Variants in VWA5B1 observed in about 807,000 individuals in gnomAD.
VWA5B1 encodes the protein von Willebrand factor A domain containing 5B1, also known as von Willebrand factor A domain-containing protein 5B1.
Under a neutral mutation model 118.2 loss-of-function variants are expected in VWA5B1, and 115 were observed. The ratio of observed to expected loss-of-function variants is 0.97; its 90% CI spans 0.84 to 1.14. The LOEUF is 1.14. Ranked by LOEUF, VWA5B1 falls within the 50% of genes most tolerant of loss-of-function variation. The probability of loss-of-function intolerance (pLI) is 0.00; values close to 1 mark genes in which losing one functional copy is unlikely to be tolerated. For synonymous variants in VWA5B1, 682 were observed against 658.4 expected, an observed-to-expected ratio of 1.04 and a Z score of -0.55; for missense variants, 1,596 against 1,603.8, an observed-to-expected ratio of 1.00 and a Z score of 0.08.
chr1:20,322,613 A>G (rs2089254760), intron 7 of VWA5B1, among the ~76,000 whole-genome samples: 1 of 152,176 alleles, frequency 6.6e-6, no homozygotes, highest in Non-Finnish European at 1.5e-5. Flanking sequence ...GGAGGCAGAG[A>G]TCGGAGCAAA....
intron 9 of VWA5B1, among the ~76,000 whole-genome samples, chr1:20,328,257 A>G (rs1019997546): frequency 3.9e-5 from 6 of 152,138 alleles, no homozygotes; most frequent in African/African-American, 1.4e-4. Flanking sequence ...GTGTGTGTGT[A>G]CAGAAATGAG....
chr1:20,346,980 A>G lies in VWA5B1; in HGVS notation c.2765-1265A>G, dbSNP rs1268684740. 5.9e-5 allele frequency among the ~76,000 whole-genome samples: 9 copies of G among 152,142 alleles called. 1 individual carries two copies. The highest frequency in any genetic ancestry group is 2.2e-4 in the African/African-American group (9 of 41,434). ...CAGGCTGTTCGCTTATTCATGTTGCAGGGATGAGCGTCCCTCCCACCTGTC... is the reference window on the plus strand; with the variant it reads ...CAGGCTGTTCGCTTATTCATGTTGCGGGGATGAGCGTCCCTCCCACCTGTC... On this transcript the variant is annotated intron_variant, in intron 17 of 21. Transcript: ENST00000289815.
intron 9 of VWA5B1, 129 bp from the exon 10 acceptor site, chr1:20,330,051 T>A: frequency 9.6e-7 from 1 of 1,038,596 alleles, no homozygotes; most frequent in Non-Finnish European, 1.4e-6. Flanking sequence ...TGGGCAGGGA[T>A]GAAATTGGGA....
At position 20,352,131 on chromosome 1, in the gene VWA5B1, G is replaced by C. The variant is rs1234356323; in HGVS notation, c.3100G>C (p.Glu1034Gln). 4.5e-6 allele frequency: 7 copies of C among 1,551,332 alleles called. No individual in the cohort carries two copies. Among genetic ancestry groups the C allele is most frequent in the Admixed American group, 2.0e-5 (1 of 50,986 alleles). Residue 1034 changes from glutamate to glutamine, a missense_variant, in exon 21 of 22, where the codon GAG becomes CAG. Glu to Gln is a conservative substitution (Grantham distance 29, BLOSUM62 2). Coordinates refer to ENST00000289815, the MANE Select transcript of VWA5B1 (RefSeq NM_001039500.3). ...GAGCAAGCCACTGATCAAAGCTGTGGAGTCGACCTCCGGGAACCAGAGCTT... is the reference window on the plus strand; with the variant it reads ...GAGCAAGCCACTGATCAAAGCTGTGCAGTCGACCTCCGGGAACCAGAGCTT... The part of the protein sequence containing the change: ...FLSKPLIKAV[E>Q]STSGNQSFDY...
At chr1:20,332,343 G>A (rs2089582475) in intron 11 of VWA5B1, among the ~76,000 whole-genome samples, 1 of 151,942 alleles carries the variant, frequency 6.6e-6, no homozygotes, top group Non-Finnish European at 1.5e-5. Context: ...AGCTGGGCAT[G>A]ATGGCGGGTG....
intron 2 of VWA5B1, among the ~76,000 whole-genome samples, chr1:20,312,436 G>A (rs1018788832): frequency 6.6e-6 from 1 of 152,154 alleles, no homozygotes; most frequent in Non-Finnish European, 1.5e-5. Context: ...AACATGATGG[G>A]GTCTGGATTA....
At chr1:20,321,679 G>A (rs973449526) in intron 7 of VWA5B1, among the ~76,000 whole-genome samples, 7 of 151,258 alleles carry the variant, frequency 4.6e-5, no homozygotes, top group African/African-American at 7.3e-5. Flanking sequence ...TTCTTTAGCC[G>A]GGCGTCAGCA....
chr1:20,325,481 A>G (rs1347837513), intron 8 of VWA5B1, among the ~76,000 whole-genome samples: 3 of 152,160 alleles, frequency 2.0e-5, no homozygotes, highest in African/African-American at 7.2e-5. Flanking sequence ...ATTGGTCATG[A>G]CATTTTTTTT....
At chr1:20,291,905 A>C (rs1383653284) in intron 1 of VWA5B1, among the ~76,000 whole-genome samples, 3 of 152,150 alleles carry the variant, frequency 2.0e-5, no homozygotes, top group South Asian at 4.2e-4. Flanking sequence ...CGTCTGCGGC[A>C]GCCCCAACAG....
At chr1:20,347,660 G>A (rs375459338) in intron 17 of VWA5B1, among the ~76,000 whole-genome samples, 43 of 151,460 alleles carry the variant, frequency 2.8e-4, no homozygotes, top group East Asian at 2.1e-3. Context: ...ATAGGGCCTC[G>A]CTATGTTACC....
intron 14 of VWA5B1, among the ~76,000 whole-genome samples, chr1:20,340,065 C>T (rs2089833759): frequency 6.6e-6 from 1 of 152,070 alleles, no homozygotes; most frequent in Admixed American, 6.5e-5. Context: ...AGGCTGATTC[C>T]CCTTTACTTC....
chr1:20,334,272 C>T (rs1162739240), intron 12 of VWA5B1, among the ~76,000 whole-genome samples: 2 of 152,118 alleles, frequency 1.3e-5, no homozygotes, highest in Admixed American at 6.6e-5. Flanking sequence ...AAATGCTAAA[C>T]AAAATGCTGG....
intron 9 of VWA5B1, 123 bp downstream of exon 9, chr1:20,328,123 G>T: frequency 1.1e-6 from 1 of 894,084 alleles, no homozygotes; most frequent in Non-Finnish European, 1.8e-6. Flanking sequence ...TACCCACAGA[G>T]AACCCAGATC....
At chr1:20,305,410 G>A (rs1013891680) in intron 1 of VWA5B1, among the ~76,000 whole-genome samples, 1 of 152,188 alleles carries the variant, frequency 6.6e-6, no homozygotes, top group African/African-American at 2.4e-5. Context: ...GGAAACAGAG[G>A]AAGTCATGAG....
At chr1:20,346,219 CA>C (rs34127384) in intron 17 of VWA5B1, among the ~76,000 whole-genome samples, 79,733 of 152,046 alleles carry the variant, frequency 0.52, 21,814 homozygotes, top group East Asian at 0.91. Flanking sequence ...CTTTAATCCT[CA>C]AAAACAGCTC....
At chr1:20,300,589 C>T (rs896067550) in intron 1 of VWA5B1, among the ~76,000 whole-genome samples, 2 of 152,204 alleles carry the variant, frequency 1.3e-5, no homozygotes, top group Admixed American at 1.3e-4. Context: ...AGAAATGTAA[C>T]CACGCTGGGC....
chr1:20,345,304 G>A lies in VWA5B1; in HGVS notation c.2627-152G>A, dbSNP rs141249881. On this transcript the variant is annotated intron_variant, in intron 16 of 21. Coordinates refer to ENST00000289815, the MANE Select transcript of VWA5B1 (RefSeq NM_001039500.3). ...GGTGTTGTTTTAAAAAATGTCTTTA[G>A]TTAGCAAGTTGGCAAGCCCTTGATT... Among the ~76,000 whole-genome samples, 330 of 152,282 alleles carry A rather than the reference G, an allele frequency of 2.2e-3. 1 individual carries two copies. The highest frequency in any genetic ancestry group is 3.4e-3 in the Non-Finnish European group (231 of 68,012).
chr1:20,294,874 C>A (rs1023628271), intron 1 of VWA5B1, among the ~76,000 whole-genome samples: 4 of 152,242 alleles, frequency 2.6e-5, no homozygotes, highest in Admixed American at 2.6e-4. Flanking sequence ...CAGGCGTGAG[C>A]CACCATGCCT....
chr1:20,311,972 C>T (rs929247491), intron 2 of VWA5B1, among the ~76,000 whole-genome samples: 13 of 152,182 alleles, frequency 8.5e-5, no homozygotes, highest in Admixed American at 5.2e-4. Flanking sequence ...TGGCTTTCCA[C>T]GTGCAGAAGG....
Sources: allele counts gnomAD v4.1 joint callset (sites outside exome capture counted in the v4.1 genomes callset), GRCh38; gene constraint gnomAD v4.1.1; transcripts MANE v1.5; gene names NCBI Gene and HGNC (gene_info 2026-07-23, HGNC 2026-07-21).